G2E3: variants seen among roughly 807,000 people sequenced by gnomAD.
G2E3 encodes G2/M-phase specific E3 ubiquitin protein ligase, also known as G2/M phase-specific E3 ubiquitin-protein ligase.
A neutral mutation model predicts 92.8 loss-of-function variants in G2E3; 35 were observed. The observed-to-expected ratio is 0.38, with a 90% CI of 0.29 to 0.50. The LOEUF (loss-of-function observed/expected upper bound fraction) is 0.50. Among genes scored for constraint, G2E3 ranks in the 20% least tolerant of loss-of-function variants. The pLI, the probability that G2E3 is intolerant of heterozygous loss-of-function variation, is 0.94. For missense variants in G2E3, 554 were observed against 823.8 expected (o/e 0.67, Z 4.01); for synonymous variants, 242 against 272.4 (o/e 0.89, Z 1.10).
intron 1 of G2E3, among the ~76,000 whole-genome samples, chr14:30,576,450 A>G (rs974620430): frequency 9.8e-5 from 15 of 152,344 alleles, no homozygotes; most frequent in South Asian, 2.1e-4. Flanking sequence ...CATCCTGGAC[A>G]TAAGAATGGG....
intron 6 of G2E3, among the ~76,000 whole-genome samples, chr14:30,594,067 A>G (rs941306719): frequency 2.0e-5 from 3 of 152,228 alleles, no homozygotes; most frequent in Non-Finnish European, 2.9e-5. Context: ...GCACTTTACC[A>G]TAACTTCTTA....
Position 30,616,044 on chromosome 14 carries a change from T to C in G2E3, c.1865-234T>C, listed in dbSNP as rs146097871. Among the ~76,000 whole-genome samples, 137 of 152,292 alleles carry C rather than the reference T, an allele frequency of 9.0e-4. 1 individual carries two copies. Among genetic ancestry groups the C allele is most frequent in the African/African-American group, 3.2e-3 (131 of 41,578 alleles). On this transcript the variant is annotated intron_variant, in intron 14 of 14. Transcript: ENST00000206595. ...AGTCTTTCTGTCTGTATTTGTTATA[T>C]ACAATAAGTAGTTGTACTAAATGAT...
At chr14:30,560,349 A>G (rs1181703651) in intron 1 of G2E3, 1 of 156,432 alleles carries the variant, frequency 6.4e-6, no homozygotes, top group African/African-American at 2.4e-5. Context: ...ATATTGTACC[A>G]TTTAAATGTA....
chr14:30,563,071 G>C (rs1490712051), intron 1 of G2E3, among the ~76,000 whole-genome samples: 1 of 151,334 alleles, frequency 6.6e-6, no homozygotes, highest in African/African-American at 2.4e-5. Context: ...TCTTTGTCTT[G>C]TGTCTTTATT....
intron 5 of G2E3, 80 bp from the exon 6 acceptor site, chr14:30,593,394 T>C (rs1881114637): frequency 1.5e-6 from 1 of 659,722 alleles, no homozygotes; most frequent in Non-Finnish European, 2.6e-6. Flanking sequence ...TGAATTTCAT[T>C]TTATATATGT....
At chr14:30,579,116 C>T (rs189276746) in intron 1 of G2E3, among the ~76,000 whole-genome samples, 2 of 152,034 alleles carry the variant, frequency 1.3e-5, no homozygotes, top group African/African-American at 2.4e-5. Flanking sequence ...ATCAAAAGCG[C>T]CATCGTATAC....
At chr14:30,567,015 A>G (rs1033021075) in intron 1 of G2E3, among the ~76,000 whole-genome samples, 6 of 152,106 alleles carry the variant, frequency 3.9e-5, no homozygotes, top group Non-Finnish European at 8.8e-5. Flanking sequence ...CCACCTTTGC[A>G]TTTCTGGGAT....
chr14:30,578,823 T>C (rs1041415187), intron 1 of G2E3, among the ~76,000 whole-genome samples: 1 of 152,216 alleles, frequency 6.6e-6, no homozygotes, highest in African/African-American at 2.4e-5. Context: ...TTATATTTTA[T>C]CAATTTTAAG....
At chr14:30,578,565 G>A (rs1483007915) in intron 1 of G2E3, among the ~76,000 whole-genome samples, 3 of 152,188 alleles carry the variant, frequency 2.0e-5, no homozygotes, top group Non-Finnish European at 2.9e-5. Context: ...TAGCATTTAG[G>A]TAAAATTTAA....
intron 2 of G2E3, among the ~76,000 whole-genome samples, chr14:30,581,391 CAG>C (rs10582820): frequency 0.029 from 4,363 of 152,144 alleles, 72 homozygotes; most frequent in East Asian, 0.085. Context: ...ACAATTTAAA[CAG>C]TGTGTAAAAG....
At chr14:30,568,327 G>A (rs1178534733) in intron 1 of G2E3, among the ~76,000 whole-genome samples, 1 of 152,072 alleles carries the variant, frequency 6.6e-6, no homozygotes, top group African/African-American at 2.4e-5. Context: ...GACCCTAGTA[G>A]ATAGTGTATG....
intron 11 of G2E3, among the ~76,000 whole-genome samples, chr14:30,607,122 G>A (rs1881865673): frequency 6.6e-6 from 1 of 152,076 alleles, no homozygotes; most frequent in Non-Finnish European, 1.5e-5. Context: ...ACATCTCTAA[G>A]TTAGTCTAAA....
chr14:30,584,826 C>CTT (rs11322769), intron 2 of G2E3, among the ~76,000 whole-genome samples: 16 of 75,398 alleles, frequency 2.1e-4, no homozygotes, highest in Non-Finnish European at 2.7e-4. Context: ...TGATAGTGTC[C>CTT]TTTTTTTTTT....
chr14:30,572,045 T>C (rs779973012), intron 1 of G2E3, among the ~76,000 whole-genome samples: 2 of 152,076 alleles, frequency 1.3e-5, no homozygotes, highest in Non-Finnish European at 2.9e-5. Flanking sequence ...TTCATTTATT[T>C]AGGTCTTTCA....
At chr14:30,605,422 C>T (rs1297058657) in intron 10 of G2E3, 83 bp from the exon 11 acceptor site, 1 of 512,796 alleles carries the variant, frequency 2.0e-6, no homozygotes, top group African/African-American at 2.0e-5. Context: ...TTCCCCTCGT[C>T]TTGTTTTATT....
At chr14:30,602,988 A>G (rs918492416) in intron 10 of G2E3, 2 of 152,102 alleles carry the variant, frequency 1.3e-5, no homozygotes, top group Admixed American at 1.3e-4. Flanking sequence ...TTCCCTTTAG[A>G]AAGTTTAAGG....
intron 13 of G2E3, 107 bp from the exon 14 acceptor site, chr14:30,615,240 AAT>A (rs1491055116): frequency 3.4e-6 from 2 of 583,400 alleles, no homozygotes. Context: ...GTTTTTTAAA[AAT>A]CATTAGCTGT....
chr14:30,582,924 A>G (rs543010343), intron 2 of G2E3, among the ~76,000 whole-genome samples: 21 of 152,356 alleles, frequency 1.4e-4, no homozygotes, highest in African/African-American at 5.1e-4. Context: ...ATTAACAAAT[A>G]TAATACCTTT....
intron 6 of G2E3, among the ~76,000 whole-genome samples, chr14:30,594,975 A>G (rs1002806412): frequency 7.1e-5 from 10 of 141,170 alleles, no homozygotes; most frequent in Non-Finnish European, 1.4e-4. Flanking sequence ...CTAAAAATAC[A>G]AAAAAAAAAA....
Sources: gnomAD v4.1 joint callset for allele counts (sites outside exome capture counted in the v4.1 genomes callset) on GRCh38, gnomAD v4.1.1 for gene constraint, MANE v1.5 for transcripts, NCBI Gene and HGNC (gene_info 2026-07-23, HGNC 2026-07-21) for gene names.